TECTB: variants seen among roughly 807,000 people sequenced by gnomAD.
TECTB encodes the protein beta-tectorin.
In TECTB, 45 loss-of-function variants were observed where a neutral mutation model predicts 43.3. That is an observed-to-expected ratio of 1.04 (90% CI 0.82 to 1.33). The LOEUF is 1.33. Ranked by LOEUF, TECTB falls within the 40% of genes most tolerant of loss-of-function variation. The pLI, the probability that TECTB is intolerant of heterozygous loss-of-function variation, is 0.00. For synonymous variants in TECTB, 169 were observed against 156.7 expected (o/e 1.08, Z -0.59); for missense variants, 399 against 404.7 (o/e 0.99, Z 0.12).
At chr10:112,288,191 A>T (rs952643494) in intron 5 of TECTB, among the ~76,000 whole-genome samples, 1 of 152,190 alleles carries the variant, frequency 6.6e-6, no homozygotes, top group South Asian at 2.1e-4. Flanking sequence ...AAAATTATAG[A>T]TATGATCCCA....
intron 5 of TECTB, among the ~76,000 whole-genome samples, chr10:112,293,334 C>G (rs1363831107): frequency 6.6e-6 from 1 of 152,206 alleles, no homozygotes; most frequent in Non-Finnish European, 1.5e-5. Context: ...CTGAAATCTG[C>G]TCAGGCAAAA....
At chr10:112,292,584 C>G (rs756131780) in intron 5 of TECTB, among the ~76,000 whole-genome samples, 13 of 151,994 alleles carry the variant, frequency 8.6e-5, no homozygotes, top group Non-Finnish European at 1.3e-4. Flanking sequence ...ACAGGGACTA[C>G]AGATGCCTGC....
At chr10:112,286,252 G>A (rs780707172) in intron 4 of TECTB, 39 bp downstream of exon 4, 3 of 1,613,980 alleles carry the variant, frequency 1.9e-6, no homozygotes, top group African/African-American at 1.3e-5. Flanking sequence ...GCTGCCTCAT[G>A]TGTGTACTGC....
chr10:112,301,372 A>G (rs1389486600), intron 9 of TECTB, among the ~76,000 whole-genome samples: 2 of 150,820 alleles, frequency 1.3e-5, no homozygotes, highest in Admixed American at 6.7e-5. Context: ...ACGCTACTAC[A>G]CTCTAGCCTG....
intron 5 of TECTB, among the ~76,000 whole-genome samples, chr10:112,289,820 A>G (rs1434084794): frequency 6.6e-6 from 1 of 152,136 alleles, no homozygotes; most frequent in Non-Finnish European, 1.5e-5. Flanking sequence ...TAGGTTCTGG[A>G]AGACTCTAGG....
In TECTB at chr10:112,303,420, G is replaced by A. The variant is rs1226162403; in HGVS notation, c.*108G>A. ...ACAAACAGAAGACCACATTGTTGGGGGGCAGAGAATAGCACTTTGCCAAAT... is the reference window on the plus strand; with the variant it reads ...ACAAACAGAAGACCACATTGTTGGGAGGCAGAGAATAGCACTTTGCCAAAT... On this transcript the variant is annotated 3_prime_UTR_variant, in exon 11 of 11. Coordinates refer to ENST00000646139, the MANE Select transcript of TECTB (RefSeq NM_058222.3). The A allele has an allele frequency of 7.7e-6, 11 of 1,421,440 alleles. No individual in the cohort carries two copies. Among genetic ancestry groups the A allele is most frequent in the Admixed American group, 5.1e-5 (3 of 58,768 alleles). The allele number at this position is 1,421,440 out of a possible 1,614,324, so 88.1% of individuals were successfully genotyped here.
rs1315056732 is a variant in TECTB at position 112,299,828 on chromosome 10, C to T, written c.907+264C>T. On this transcript the variant is annotated intron_variant, in intron 9 of 10. Coordinates refer to ENST00000646139, the MANE Select transcript of TECTB (RefSeq NM_058222.3). ...CCCCAAAGAATCAGGAAGTGCTGAG[C>T]TTCCAAACAGAGCATGCAGTGAACA... 5 of 466,130 alleles carry T rather than the reference C, an allele frequency of 1.1e-5. No individual in the cohort carries two copies. The East Asian group carries it at 1.4e-4, about 13-fold the overall frequency. The allele number at this position is 466,130 out of a possible 1,614,324, so 28.9% of individuals were successfully genotyped here.
At chr10:112,286,453 A>T in intron 5 of TECTB, 62 bp downstream of exon 5, 1 of 1,532,290 alleles carries the variant, frequency 6.5e-7, no homozygotes, top group Non-Finnish European at 8.9e-7. Context: ...AGATGGTGGG[A>T]TGCTTCCTCG....
chr10:112,288,491 G>A (rs760043683), intron 5 of TECTB, among the ~76,000 whole-genome samples: 15 of 152,052 alleles, frequency 9.9e-5, no homozygotes, highest in Non-Finnish European at 1.9e-4. Flanking sequence ...CAGGACAAAC[G>A]GGCCTCAGCA....
rs1394941055 is a variant in TECTB at position 112,304,515 on chromosome 10, T to C, written c.*1203T>C. On this transcript the variant is annotated 3_prime_UTR_variant, in exon 11 of 11. Coordinates refer to ENST00000646139, the MANE Select transcript of TECTB (RefSeq NM_058222.3). ...CAATTCTGGTAGAGAATTGGCTGGA[T>C]TGTGATAGGAAAAGGCAGAGTTCTA... 6.6e-6 allele frequency: 1 copy of C among 152,284 alleles called. No homozygotes were observed. The highest frequency in any genetic ancestry group is 6.5e-5 in the Admixed American group (1 of 15,296). 9.4% of individuals were successfully genotyped at this position (152,284 alleles called of 1,614,324 possible). A position where few individuals can be genotyped will look rare whatever the true frequency, so the allele number is the denominator to read the frequency against.
chr10:112,293,728 C>T lies in TECTB; in HGVS notation c.484-10C>T, dbSNP rs765831318. 1 of 1,612,458 alleles carries T rather than the reference C, an allele frequency of 6.2e-7. No individual in the cohort carries two copies. The highest frequency in any genetic ancestry group is 8.5e-7 in the Non-Finnish European group (1 of 1,178,524). Reference sequence around the variant, plus strand: ...AGTTCATAATGCCCAGTGTCAATTTCCTTCCAAAGAATGCCAAGTTCTCCA... The same window carrying T: ...AGTTCATAATGCCCAGTGTCAATTTTCTTCCAAAGAATGCCAAGTTCTCCA... On this transcript the variant is annotated splice_polypyrimidine_tract_variant and intron_variant, in intron 5 of 10. Transcript: ENST00000646139.
intron 7 of TECTB, among the ~76,000 whole-genome samples, chr10:112,294,462 G>A (rs1848528384): frequency 6.6e-6 from 1 of 152,116 alleles, no homozygotes; most frequent in Non-Finnish European, 1.5e-5. Flanking sequence ...CAATTAGTCT[G>A]ACAACAGAAC....
rs532371104 is a variant in TECTB at position 112,300,832 on chromosome 10, T to C, written c.907+1268T>C. 1.1e-4 allele frequency among the ~76,000 whole-genome samples: 16 copies of C among 152,378 alleles called. No homozygotes were observed. In the South Asian group the frequency reaches 3.3e-3, roughly 32 times the overall value. ...GGTCCCAAGCATTTTGGATAAGGGA[T>C]ATTCATCCTGAATGGAGCAAAGGGA... On this transcript the variant is annotated intron_variant, in intron 9 of 10. Coordinates refer to ENST00000646139, the MANE Select transcript of TECTB (RefSeq NM_058222.3).
chr10:112,300,258 G>GA (rs1258057540), intron 9 of TECTB, among the ~76,000 whole-genome samples: 1 of 42,568 alleles, frequency 2.3e-5, no homozygotes, highest in African/African-American at 1.4e-4. Context: ...AAGAAAGAAA[G>GA]AAAGAAAGAA....
chr10:112,290,124 T>C (rs1848485798), intron 5 of TECTB, among the ~76,000 whole-genome samples: 1 of 152,212 alleles, frequency 6.6e-6, no homozygotes, highest in Admixed American at 6.5e-5. Context: ...CTGAGTAGCA[T>C]GATGAAATCT....
At chr10:112,289,450 C>T (rs944426811) in intron 5 of TECTB, among the ~76,000 whole-genome samples, 2 of 152,168 alleles carry the variant, frequency 1.3e-5, no homozygotes, top group African/African-American at 4.8e-5. Context: ...GCCCAAAACC[C>T]TTCTGCAATA....
chr10:112,294,831 T>A (rs1248589993), intron 7 of TECTB, among the ~76,000 whole-genome samples: 1 of 152,120 alleles, frequency 6.6e-6, no homozygotes, highest in Non-Finnish European at 1.5e-5. Context: ...TGAGAAAATG[T>A]AGGAACTAAT....
intron 10 of TECTB, chr10:112,302,526 C>G (rs532446189): frequency 2.5e-6 from 1 of 406,268 alleles, no homozygotes; most frequent in East Asian, 3.5e-5. Flanking sequence ...GGGCAATGAC[C>G]TCACCCCTCC....
chr10:112,284,865 T>G, intron 3 of TECTB, 140 bp downstream of exon 3: 1 of 694,984 alleles, frequency 1.4e-6, no homozygotes, highest in Non-Finnish European at 2.1e-6. Flanking sequence ...CCAAATATCC[T>G]GGAATGTTGG....
Sources: allele counts gnomAD v4.1 joint callset (sites outside exome capture counted in the v4.1 genomes callset), GRCh38; gene constraint gnomAD v4.1.1; transcripts MANE v1.5; gene names NCBI Gene and HGNC (gene_info 2026-07-23, HGNC 2026-07-21).